The following SPRY4 variants were observed in gnomAD, a reference collection of about 807,000 sequenced individuals.
SPRY4 encodes the protein protein sprouty homolog 4.
Under a neutral mutation model 17.0 loss-of-function variants are expected in SPRY4, and 7 were observed. The observed-to-expected ratio is 0.41, with a 90% CI of 0.23 to 0.77. SPRY4 has a LOEUF of 0.77. Among genes scored for constraint, SPRY4 ranks in the 30% least tolerant of loss-of-function variants. The pLI is 0.32. For missense variants in SPRY4, 435 were observed against 419.9 expected, an observed-to-expected ratio of 1.04 and a Z score of -0.31; for synonymous variants, 183 against 174.1, an observed-to-expected ratio of 1.05 and a Z score of -0.40.
Position 142,311,982 on chromosome 5 carries a change from G to T in SPRY4, c.*2227C>A, listed in dbSNP as rs368520961. On this transcript the variant is annotated 3_prime_UTR_variant, in exon 2 of 2. Transcript: ENST00000434127. ...TGTGTATACACAGCTTATGTAAATC[G>T]ACTCTCCACAGAACGGGTGTGTAGA... The T allele has an allele frequency of 2.4e-5, 2 of 84,684 alleles. No homozygotes were observed. The highest frequency in any genetic ancestry group is 5.1e-5 in the Non-Finnish European group (2 of 39,244). The allele number at this position is 84,684 out of a possible 1,614,324, so 5.2% of individuals were successfully genotyped here. A position where few individuals can be genotyped will look rare whatever the true frequency, so the allele number is the denominator to read the frequency against.
rs1234200514 is a variant in SPRY4 at position 142,311,933 on chromosome 5, G to GA, written c.*2275_*2276insT. The GA allele has an allele frequency of 1.0e-4, 3 of 29,988 alleles. No individual in the cohort carries two copies. Among genetic ancestry groups the GA allele is most frequent in the Non-Finnish European group, 2.0e-4 (3 of 14,778 alleles). The allele number at this position is 29,988 out of a possible 1,614,324, so 1.9% of individuals were successfully genotyped here. On this transcript the variant is annotated 3_prime_UTR_variant, in exon 2 of 2. Transcript: ENST00000434127. Reference sequence around the variant, plus strand: ...GTCGGTAGACAGTCAGTGTGGGGTAGGGGTGTGTGTGTGTGTGTGTGTGTG... The same window carrying GA: ...GTCGGTAGACAGTCAGTGTGGGGTAGAGGGTGTGTGTGTGTGTGTGTGTGTG...
intron 1 of SPRY4, among the ~76,000 whole-genome samples, chr5:142,318,620 G>C (rs1759240978): frequency 1.3e-5 from 2 of 152,142 alleles, no homozygotes; most frequent in Non-Finnish European, 2.9e-5. Context: ...TTTAATATGT[G>C]CTCCCTGCTT....
In SPRY4 at chr5:142,319,874, T is replaced by TG. The variant is rs529231237; in HGVS notation, c.-47-4720dup. On this transcript the variant is annotated intron_variant, in intron 1 of 1. Transcript: ENST00000434127. ...ATCCCACCCACCCACACCCTCCCCT[T>TG]GACTTACCCTAGGGAGGTGAGTTGG... 799 of 1,344,362 alleles carry TG rather than the reference T, an allele frequency of 5.9e-4. 10 individuals carry two copies. Among genetic ancestry groups the TG allele is most frequent in the Non-Finnish European group, 5.8e-5 (57 of 987,460 alleles). The allele number at this position is 1,344,362 out of a possible 1,614,324, so 83.3% of individuals were successfully genotyped here. A position where few individuals can be genotyped will look rare whatever the true frequency, so the allele number is the denominator to read the frequency against.
rs1758973806 is a variant in SPRY4 at position 142,312,887 on chromosome 5, A to G, written c.*1322T>C. The G allele has an allele frequency of 6.6e-6, 1 of 152,182 alleles. No homozygotes were observed. Among genetic ancestry groups the G allele is most frequent in the Non-Finnish European group, 1.5e-5 (1 of 67,924 alleles). 9.4% of individuals were successfully genotyped at this position (152,182 alleles called of 1,614,324 possible). On this transcript the variant is annotated 3_prime_UTR_variant, in exon 2 of 2. Coordinates refer to ENST00000434127, the MANE Select transcript of SPRY4 (RefSeq NM_001127496.3). ...GCTCAAACCCAGTGGCCCCTGGAAA[A>G]ACCTTTCCCCTACCCTCTCCCCAGC...
intron 1 of SPRY4, 104 bp downstream of exon 1, chr5:142,324,740 G>A (rs1189443616): frequency 6.5e-6 from 1 of 152,720 alleles, no homozygotes; most frequent in Non-Finnish European, 1.5e-5. Context: ...GGAACACTGA[G>A]GCGCGCCTAG....
At position 142,312,464 on chromosome 5, in the gene SPRY4, C is replaced by T. The variant is rs1250821281; in HGVS notation, c.*1745G>A. 1.3e-5 allele frequency: 2 copies of T among 152,266 alleles called. No individual in the cohort carries two copies. Among genetic ancestry groups the T allele is most frequent in the Non-Finnish European group, 2.9e-5 (2 of 68,028 alleles). 9.4% of individuals were successfully genotyped at this position (152,266 alleles called of 1,614,324 possible). ...TAAATCATAAGATGTTACTACTAGTCTTCAAGAAGGAAAAAATAAGTCCTT... is the reference window on the plus strand; with the variant it reads ...TAAATCATAAGATGTTACTACTAGTTTTCAAGAAGGAAAAAATAAGTCCTT... On this transcript the variant is annotated 3_prime_UTR_variant, in exon 2 of 2. Coordinates refer to ENST00000434127, the MANE Select transcript of SPRY4 (RefSeq NM_001127496.3).
At position 142,311,430 on chromosome 5, in the gene SPRY4, T is replaced by C. The variant is rs1272074591; in HGVS notation, c.*2779A>G. The C allele has an allele frequency of 1.3e-5, 2 of 152,216 alleles. No homozygotes were observed. Among genetic ancestry groups the C allele is most frequent in the Non-Finnish European group, 1.5e-5 (1 of 68,080 alleles). 9.4% of individuals were successfully genotyped at this position (152,216 alleles called of 1,614,324 possible). A position where few individuals can be genotyped will look rare whatever the true frequency, so the allele number is the denominator to read the frequency against. On this transcript the variant is annotated 3_prime_UTR_variant, in exon 2 of 2. Transcript: ENST00000434127. ...AGGCATCGTCCAGCCAAACAGGCCATTGGTGACAGGAAACACACTCAGCCA... is the reference window on the plus strand; with the variant it reads ...AGGCATCGTCCAGCCAAACAGGCCACTGGTGACAGGAAACACACTCAGCCA...
intron 1 of SPRY4, among the ~76,000 whole-genome samples, chr5:142,322,245 G>A (rs1596875413): frequency 6.6e-6 from 1 of 152,098 alleles, no homozygotes; most frequent in African/African-American, 2.4e-5. Flanking sequence ...GGCAGAGGCC[G>A]GCGGATCATG....
chr5:142,319,925 G>T (rs1759290409), intron 1 of SPRY4: 4 of 828,960 alleles, frequency 4.8e-6, no homozygotes, highest in South Asian at 2.1e-5. Context: ...CCTGACAGTT[G>T]TACTTTGAAA....
chr5:142,317,719 T>C, intron 1 of SPRY4: 1 of 985,118 alleles, frequency 1.0e-6, no homozygotes, highest in Non-Finnish European at 1.2e-6. Flanking sequence ...TTAATAGGCC[T>C]TGGAATCAGA....
Position 142,314,154 on chromosome 5 carries a change from A to C in SPRY4, c.*55T>G, listed in dbSNP as rs1759035969. On this transcript the variant is annotated 3_prime_UTR_variant, in exon 2 of 2. Coordinates refer to ENST00000434127, the MANE Select transcript of SPRY4 (RefSeq NM_001127496.3). This position sits in a 1 kb window ranked among gnomAD's most constrained non-coding sequence, Gnocchi z 4.8. Reference sequence around the variant, plus strand: ...TCTGACCTTGCTGCAGTCTTCTTAGATGTCAGAAGAGAACCAGGTTTCCAG... The same window carrying C: ...TCTGACCTTGCTGCAGTCTTCTTAGCTGTCAGAAGAGAACCAGGTTTCCAG... The C allele has an allele frequency of 6.5e-7, 1 of 1,536,606 alleles. No homozygotes were observed. Among genetic ancestry groups the C allele is most frequent in the Non-Finnish European group, 8.8e-7 (1 of 1,142,326 alleles).
rs1759048117 is a variant in SPRY4 at position 142,314,331 on chromosome 5, G to T, written c.778C>A (p.Leu260Met). Residue 260 changes from leucine (L) to methionine (M), a missense_variant, in exon 2 of 2, where the codon CTG becomes ATG. Physicochemically the swap from Leu to Met is conservative, Grantham distance 15. Transcript: ENST00000434127. The surrounding 1 kb of genome is among the most constrained non-coding windows in gnomAD (Gnocchi z 4.8). ...AGACGGTCGTAGCCACGCTGGGCCA[G>T]CTTCACGCAGCCGGTGGCAGGCAGG... ...CYLPATGCVKLAQRGYDRLRR... is the reference protein window; with the variant it reads ...CYLPATGCVKMAQRGYDRLRR... 1 of 1,613,960 alleles carries T rather than the reference G, an allele frequency of 6.2e-7. No homozygotes were observed. The highest frequency in any genetic ancestry group is 8.5e-7 in the Non-Finnish European group (1 of 1,179,996).
intron 1 of SPRY4, chr5:142,318,007 C>G: frequency 1.0e-6 from 1 of 985,340 alleles, no homozygotes; most frequent in African/African-American, 1.7e-5. Flanking sequence ...TCCTTTCAAC[C>G]ACCAGCTCAG....
chr5:142,323,921 C>T (rs1759435695), intron 1 of SPRY4: 1 of 152,388 alleles, frequency 6.6e-6, no homozygotes, highest in African/African-American at 2.4e-5. Flanking sequence ...GATGTCAAGC[C>T]TGGTACCACC....
intron 1 of SPRY4, chr5:142,318,081 C>T: frequency 1.0e-6 from 1 of 985,278 alleles, no homozygotes; most frequent in Non-Finnish European, 1.2e-6. Context: ...CTCCAAGAGC[C>T]TCTGCTGAAT....
chr5:142,320,473 C>T (rs548445835), intron 1 of SPRY4, among the ~76,000 whole-genome samples: 31 of 152,296 alleles, frequency 2.0e-4, no homozygotes, highest in African/African-American at 7.0e-4. Flanking sequence ...CTCTCTTTCA[C>T]AGCCAATCAG....
chr5:142,317,137 G>C (rs1318660222), intron 1 of SPRY4: 1 of 985,332 alleles, frequency 1.0e-6, no homozygotes, highest in Non-Finnish European at 1.2e-6. Context: ...CTGTGGTCAG[G>C]GCTGGAGAGA....
rs753427357 is a variant in SPRY4 at position 142,315,036 on chromosome 5, G to A, written c.73C>T (p.Arg25Trp). The change falls in exon 2 of 2, where the codon CGG (arginine) becomes TGG (tryptophan). Residue 25 changes from arginine to tryptophan, a missense_variant. Transcript: ENST00000434127. ...TGCTGGAGCCGGCTGTGGGACATCC[G>A]GCTGTCAAGAAGGGGCTGGACCATG... ...SVMVQPLLDS[R>W]MSHSRLQHPL... 6.8e-6 allele frequency: 11 copies of A among 1,613,630 alleles called. No individual in the cohort carries two copies. Among genetic ancestry groups the A allele is most frequent in the African/African-American group, 6.7e-5 (5 of 74,912 alleles).
At chr5:142,317,896 C>A (rs1241436775) in intron 1 of SPRY4, 8 of 985,240 alleles carry the variant, frequency 8.1e-6, no homozygotes, top group Non-Finnish European at 9.6e-6. Flanking sequence ...GGAGCTTGGC[C>A]CACGATGACT....
Sources: allele counts gnomAD v4.1 joint callset (sites outside exome capture counted in the v4.1 genomes callset), GRCh38; gene constraint gnomAD v4.1.1; non-coding constraint Gnocchi (gnomAD v3.1); transcripts MANE v1.5; gene names NCBI Gene and HGNC (gene_info 2026-07-23, HGNC 2026-07-21).